The following MARCHF4 variants were observed in gnomAD, a reference collection of about 807,000 sequenced individuals.
MARCHF4 encodes the protein E3 ubiquitin-protein ligase MARCHF4.
In MARCHF4, 14 loss-of-function variants were observed where a neutral mutation model predicts 43.9. The ratio of observed to expected loss-of-function variants is 0.32; its 90% CI spans 0.21 to 0.50. MARCHF4 has a LOEUF of 0.50. Ranked by LOEUF, MARCHF4 falls within the 20% of genes least tolerant of loss-of-function variation. The pLI is 0.98. For missense variants in MARCHF4, 468 were observed against 536.7 expected (o/e 0.87, Z 1.27); for synonymous variants, 226 against 213.3 (o/e 1.06, Z -0.52).
intron 1 of MARCHF4, among the ~76,000 whole-genome samples, chr2:216,343,421 T>C (rs1386885601): frequency 6.6e-6 from 1 of 152,156 alleles, no homozygotes; most frequent in African/African-American, 2.4e-5. Context: ...AATCCCATCA[T>C]GGAGAATCTA....
chr2:216,299,505 C>T (rs148339602), intron 1 of MARCHF4, among the ~76,000 whole-genome samples: 1 of 152,316 alleles, frequency 6.6e-6, no homozygotes, highest in African/African-American at 2.4e-5. Flanking sequence ...CACACTCTTC[C>T]CCAATAAGAC....
At chr2:216,360,306 C>T (rs1692556991) in intron 1 of MARCHF4, among the ~76,000 whole-genome samples, 1 of 152,106 alleles carries the variant, frequency 6.6e-6, no homozygotes, top group South Asian at 2.1e-4. Flanking sequence ...TCTCACATTT[C>T]TATTTCAATA....
intron 1 of MARCHF4, among the ~76,000 whole-genome samples, chr2:216,297,598 G>A (rs1157112372): frequency 6.6e-6 from 1 of 152,116 alleles, no homozygotes; most frequent in Non-Finnish European, 1.5e-5. Context: ...CGCAACGTCC[G>A]CCTCCCCTGG....
chr2:216,265,197 C>G (rs977279664), intron 3 of MARCHF4, among the ~76,000 whole-genome samples: 1 of 152,114 alleles, frequency 6.6e-6, no homozygotes, highest in Admixed American at 6.5e-5. Flanking sequence ...AATGAGGGGG[C>G]ATAGTAACAT....
intron 1 of MARCHF4, among the ~76,000 whole-genome samples, chr2:216,302,835 T>C (rs867395076): frequency 1.4e-5 from 2 of 144,848 alleles, no homozygotes; most frequent in African/African-American, 2.7e-5. Flanking sequence ...GAGGTGGAGG[T>C]TGCAGTGAGC....
intron 1 of MARCHF4, among the ~76,000 whole-genome samples, chr2:216,335,159 T>C (rs1358866595): frequency 6.6e-6 from 1 of 152,220 alleles, no homozygotes; most frequent in Non-Finnish European, 1.5e-5. Flanking sequence ...CAAATCTGGA[T>C]ACAGATTCGC....
At chr2:216,322,093 G>A (rs982394065) in intron 1 of MARCHF4, among the ~76,000 whole-genome samples, 1 of 152,174 alleles carries the variant, frequency 6.6e-6, no homozygotes, top group African/African-American at 2.4e-5. Flanking sequence ...ATACTTAAGG[G>A]GATGTGTGTG....
At chr2:216,261,361 T>G (rs1690740965) in intron 3 of MARCHF4, among the ~76,000 whole-genome samples, 1 of 152,226 alleles carries the variant, frequency 6.6e-6, no homozygotes, top group Admixed American at 6.5e-5. Flanking sequence ...CTCTTTCTTC[T>G]GTTCTCACCT....
chr2:216,365,822 T>C (rs2105986992), intron 1 of MARCHF4, among the ~76,000 whole-genome samples: 1 of 152,360 alleles, frequency 6.6e-6, no homozygotes, highest in East Asian at 1.9e-4. Flanking sequence ...CCCTGTGATG[T>C]CTGGGTTAGA....
intron 1 of MARCHF4, among the ~76,000 whole-genome samples, chr2:216,285,298 A>G (rs124826): frequency 0.56 from 85,672 of 151,972 alleles, 24,251 homozygotes; most frequent in South Asian, 0.65. Flanking sequence ...TTTGCGCAAT[A>G]AATGAACTTG....
chr2:216,310,204 A>G (rs1404759220), intron 1 of MARCHF4, among the ~76,000 whole-genome samples: 1 of 152,198 alleles, frequency 6.6e-6, no homozygotes, highest in East Asian at 1.9e-4. Flanking sequence ...ATGAGTCTCC[A>G]TCCTTGCTGA....
intron 1 of MARCHF4, among the ~76,000 whole-genome samples, chr2:216,369,160 A>T (rs1233356129): frequency 6.6e-6 from 1 of 152,158 alleles, no homozygotes; most frequent in Non-Finnish European, 1.5e-5. Context: ...AGCAAATCAT[A>T]TAGTCTTGGA....
At chr2:216,339,119 G>C (rs1255514951) in intron 1 of MARCHF4, among the ~76,000 whole-genome samples, 1 of 152,218 alleles carries the variant, frequency 6.6e-6, no homozygotes, top group Admixed American at 6.5e-5. Flanking sequence ...CCTTGGACCA[G>C]TCTTTGACCT....
intron 1 of MARCHF4, among the ~76,000 whole-genome samples, chr2:216,318,372 C>T (rs143846795): frequency 4.6e-5 from 7 of 152,308 alleles, no homozygotes; most frequent in Non-Finnish European, 1.0e-4. Flanking sequence ...CAAACAAAGC[C>T]CTTGCTCTCA....
At chr2:216,307,932 T>A (rs1243900480) in intron 1 of MARCHF4, among the ~76,000 whole-genome samples, 1 of 152,134 alleles carries the variant, frequency 6.6e-6, no homozygotes, top group Non-Finnish European at 1.5e-5. Context: ...GGCATGCATC[T>A]ATAGTCCCAG....
chr2:216,354,903 CTTTCTT>C (rs1278526392), intron 1 of MARCHF4, among the ~76,000 whole-genome samples: 10 of 55,236 alleles, frequency 1.8e-4, no homozygotes, highest in Admixed American at 8.0e-4. Flanking sequence ...TTCTTTCTTT[CTTTCTT>C]TCTTTCTTTC....
At chr2:216,341,228 G>C (rs146311978) in intron 1 of MARCHF4, among the ~76,000 whole-genome samples, 1 of 152,294 alleles carries the variant, frequency 6.6e-6, no homozygotes, top group Non-Finnish European at 1.5e-5. Context: ...TGGCTGTTCT[G>C]TTTGTTTCCA....
intron 2 of MARCHF4, among the ~76,000 whole-genome samples, chr2:216,279,423 G>T (rs772493041): frequency 6.6e-6 from 1 of 151,808 alleles, no homozygotes; most frequent in East Asian, 1.9e-4. Context: ...TAGATGTGAT[G>T]ATATGAATGG....
intron 2 of MARCHF4, among the ~76,000 whole-genome samples, chr2:216,279,770 C>G (rs1367608549): frequency 6.6e-6 from 1 of 152,176 alleles, no homozygotes; most frequent in Non-Finnish European, 1.5e-5. Context: ...TTTACATTTT[C>G]CACTGTTTCC....
Sources: gnomAD v4.1 joint callset for allele counts (sites outside exome capture counted in the v4.1 genomes callset) on GRCh38, gnomAD v4.1.1 for gene constraint, MANE v1.5 for transcripts, NCBI Gene and HGNC (gene_info 2026-07-23, HGNC 2026-07-21) for gene names.